The following DMKN variants were observed in gnomAD, a reference collection of about 807,000 sequenced individuals.
The protein encoded by DMKN is epidermis-specific secreted protein SK30/SK89.
Under a neutral mutation model 67.6 loss-of-function variants are expected in DMKN, and 58 were observed. The ratio of observed to expected loss-of-function variants is 0.86; its 90% CI spans 0.69 to 1.07. DMKN has a LOEUF of 1.07. Among genes scored for constraint, DMKN ranks in the 50% least tolerant of loss-of-function variants. The probability of loss-of-function intolerance (pLI) is 0.00; values close to 1 mark genes in which losing one functional copy is unlikely to be tolerated. For missense variants in DMKN, 596 were observed against 601.5 expected (o/e 0.99, Z 0.10); for synonymous variants, 240 against 232.3 (o/e 1.03, Z -0.30).
Position 35,511,464 on chromosome 19 carries a change from TGCC to T in DMKN, c.862_864del (p.Gly288del). ...CTGCTGCCACCACTGTTGCCACTGC[TGCC>T]ACCACTGCTGCCGCCACTGCTGCCG... On this transcript the variant is annotated inframe_deletion, in exon 5 of 16. Transcript: ENST00000339686. 1.8e-6 allele frequency: 2 copies of T among 1,120,138 alleles called. No homozygotes were observed. The allele number at this position is 1,120,138 out of a possible 1,614,324, so 69.4% of individuals were successfully genotyped here. A position where few individuals can be genotyped will look rare whatever the true frequency, so the allele number is the denominator to read the frequency against.
At position 35,502,861 on chromosome 19, in the gene DMKN, C is replaced by A. The variant is rs761959444; in HGVS notation, c.1160G>T (p.Arg387Leu). 6.2e-6 allele frequency: 10 copies of A among 1,613,854 alleles called. No homozygotes were observed. In the South Asian group the frequency reaches 6.6e-5, roughly 11 times the overall value. ...NKNQVPPPST[R>L]ALLYFSRLWE... is the part of the protein sequence containing the mutation. ...GAGTCGGCTGAAGTAGAGGAGGGCTCGGGTGCTGGGGGGCGGGACCTGGTT... is the reference window on the plus strand; with the variant it reads ...GAGTCGGCTGAAGTAGAGGAGGGCTAGGGTGCTGGGGGGCGGGACCTGGTT... Residue 387 changes from arginine to leucine, a missense_variant, in exon 10 of 16, where the codon CGA (arginine) becomes CTA (leucine). Transcript: ENST00000339686.
rs191091957 is a variant in DMKN at position 35,501,948 on chromosome 19, G to C, written c.1239+188C>G. ...CCCTCGGCCTCGGCTTTTATGCTAGGGAGGTCCTCCCACCCTGCTCCTCAG... is the reference window on the plus strand; with the variant it reads ...CCCTCGGCCTCGGCTTTTATGCTAGCGAGGTCCTCCCACCCTGCTCCTCAG... On this transcript the variant is annotated intron_variant, in intron 11 of 15. Transcript: ENST00000339686. 10 of 1,555,586 alleles carry C rather than the reference G, an allele frequency of 6.4e-6. No homozygotes were observed. In the African/African-American group the frequency reaches 1.1e-4, roughly 17 times the overall value.
Position 35,497,427 on chromosome 19 carries a change from GA to G in DMKN, c.*111del, listed in dbSNP as rs1244529523. The G allele has an allele frequency of 6.6e-6, 1 of 152,208 alleles. No homozygotes were observed. Among genetic ancestry groups the G allele is most frequent in the Non-Finnish European group, 1.5e-5 (1 of 68,054 alleles). The allele number at this position is 152,208 out of a possible 1,614,324, so 9.4% of individuals were successfully genotyped here. A position where few individuals can be genotyped will look rare whatever the true frequency, so the allele number is the denominator to read the frequency against. On this transcript the variant is annotated 3_prime_UTR_variant, in exon 16 of 16. Transcript: ENST00000339686. ...GAGACAAGCTGGGTCCCCAGCCTAG[GA>G]AACAGAGGTGTGGCAGCCGGGCCAG...
intron 3 of DMKN, 120 bp from the exon 4 acceptor site, chr19:35,511,933 G>T: frequency 8.9e-7 from 1 of 1,121,532 alleles, no homozygotes; most frequent in South Asian, 1.8e-5. Context: ...CTCCTAATGT[G>T]TTTCTCCCAC....
At chr19:35,511,633 G>C (rs1198533565) in intron 4 of DMKN, 40 bp from the exon 5 acceptor site, 12 of 1,603,458 alleles carry the variant, frequency 7.5e-6, no homozygotes, top group Non-Finnish European at 8.5e-6. Context: ...ATTAAAGACA[G>C]AGCACCAAGA....
rs1355780959 is a variant in DMKN, at chr19:35,497,516, C to G, written c.*23G>C. 1 of 152,126 alleles carries G rather than the reference C, an allele frequency of 6.6e-6. No individual in the cohort carries two copies. The highest frequency in any genetic ancestry group is 2.4e-5 in the African/African-American group (1 of 41,418). 9.4% of individuals were successfully genotyped at this position (152,126 alleles called of 1,614,324 possible). ...TGACGACCAGTGCTTTTCGGGGCCT[C>G]GGTGGTGGTTGCAAGAAATTGCCTA... On this transcript the variant is annotated 3_prime_UTR_variant, in exon 16 of 16. Transcript: ENST00000339686.
At chr19:35,505,545 CT>C (rs1276651854) in intron 9 of DMKN, among the ~76,000 whole-genome samples, 172 bp downstream of exon 9, 11 of 152,196 alleles carry the variant, frequency 7.2e-5, no homozygotes, top group African/African-American at 2.7e-4. Flanking sequence ...TTCTCCCCCT[CT>C]TTTCAGGTCT....
At chr19:35,501,770 C>G in intron 11 of DMKN, 34 of 1,500,112 alleles carry the variant, frequency 2.3e-5, no homozygotes, top group Non-Finnish European at 3.0e-5. Context: ...AGCCTAGGCC[C>G]CTTCTTCCCC....
At chr19:35,499,749 G>A in intron 13 of DMKN, 1 of 560,142 alleles carries the variant, frequency 1.8e-6, no homozygotes, top group Non-Finnish European at 3.2e-6. Flanking sequence ...CTGGGTGGGT[G>A]TGAGGCGCAT....
At chr19:35,500,133 A>T (rs1388026593) in intron 12 of DMKN, 104 bp from the exon 13 acceptor site, 5 of 1,360,278 alleles carry the variant, frequency 3.7e-6, no homozygotes, top group African/African-American at 1.4e-5. Flanking sequence ...TTCCTAAAAC[A>T]CCTGCCTGCT....
intron 8 of DMKN, 41 bp downstream of exon 8, chr19:35,505,898 T>C (rs1255708620): frequency 6.2e-7 from 1 of 1,614,024 alleles, no homozygotes; most frequent in Non-Finnish European, 8.5e-7. Flanking sequence ...AGGGGTTGGT[T>C]TTCCAAATGC....
At chr19:35,508,276 G>A in intron 7 of DMKN, 1 of 1,551,216 alleles carries the variant, frequency 6.4e-7, no homozygotes, top group Non-Finnish European at 8.7e-7. Context: ...GACCCCTGCT[G>A]AAGATCCTGA....
In DMKN at chr19:35,506,045, G is replaced by A. The variant is rs371792204; in HGVS notation, c.1039-59C>T. 1.2e-3 allele frequency: 1,984 copies of A among 1,613,406 alleles called. 11 individuals carry two copies. The Middle Eastern group carries it at 0.014, about 11-fold the overall frequency. On this transcript the variant is annotated intron_variant, in intron 7 of 15. Transcript: ENST00000339686. The stretch of plus-strand genomic sequence containing the variant: ...AACCCACTTTGTGAGCCAGAGTCGG[G>A]AGATCTGAGTGGCAGGAGGGGAGGC...
chr19:35,506,216 AGG>A, intron 7 of DMKN: 1 of 1,475,438 alleles, frequency 6.8e-7, no homozygotes, highest in Non-Finnish European at 8.9e-7. Flanking sequence ...CCGATGTCCA[AGG>A]CTTATGCTTC....
Position 35,513,217 on chromosome 19 carries a change from G to C in DMKN, c.259C>G (p.Pro87Ala), listed in dbSNP as rs778619470. Residue 87 changes from proline to alanine, a missense_variant, in exon 1 of 16, where the codon CCA becomes GCA. By Grantham distance (27) the Pro-to-Ala change is conservative. Transcript: ENST00000339686. ...AAAGCATCTGCTACGCCAAAGCCTG[G>C]AACCTGCCTGACTCCAGTGCCAACT... ...EAVGTGVRQV[P>A]GFGVADALGN... 1.1e-5 allele frequency: 18 copies of C among 1,614,220 alleles called. No individual in the cohort carries two copies. Among genetic ancestry groups the C allele is most frequent in the Non-Finnish European group, 1.4e-5 (17 of 1,180,038 alleles).
At chr19:35,499,794 A>T in intron 13 of DMKN, 164 bp downstream of exon 13, 1 of 663,500 alleles carries the variant, frequency 1.5e-6, no homozygotes, top group Non-Finnish European at 2.6e-6. Flanking sequence ...AAACTGTCTC[A>T]GGGAACCCGA....
Position 35,497,468 on chromosome 19 carries a change from G to C in DMKN, c.*71C>G, listed in dbSNP as rs1464327697. On this transcript the variant is annotated 3_prime_UTR_variant, in exon 16 of 16. Coordinates refer to ENST00000339686, the MANE Select transcript of DMKN (RefSeq NM_033317.5). The stretch of plus-strand genomic sequence containing the variant: ...AGCCGGGCCAGGGCTGGCACAGGCT[G>C]GGGGCCAAGGGGAGGAGCTCCCTGA... 6.6e-5 allele frequency: 10 copies of C among 152,312 alleles called. No individual in the cohort carries two copies. Among genetic ancestry groups the C allele is most frequent in the African/African-American group, 2.4e-4 (10 of 41,560 alleles). 9.4% of individuals were successfully genotyped at this position (152,312 alleles called of 1,614,324 possible). A position where few individuals can be genotyped will look rare whatever the true frequency, so the allele number is the denominator to read the frequency against.
chr19:35,505,834 G>C (rs1281917375), intron 8 of DMKN, 69 bp from the exon 9 acceptor site: 2 of 1,613,198 alleles, frequency 1.2e-6, no homozygotes, highest in Non-Finnish European at 1.7e-6. Flanking sequence ...GAGGTCAAGG[G>C]CCACTGCTGA....
chr19:35,502,715 A>AAGGG, intron 10 of DMKN, 115 bp downstream of exon 10: 2 of 985,292 alleles, frequency 2.0e-6, no homozygotes, highest in Non-Finnish European at 1.6e-6. Flanking sequence ...AAAAAAAAAA[A>AAGGG]GGGGGGGAGT....
Sources: gnomAD v4.1 joint callset for allele counts (sites outside exome capture counted in the v4.1 genomes callset) on GRCh38, gnomAD v4.1.1 for gene constraint, MANE v1.5 for transcripts, NCBI Gene and HGNC (gene_info 2026-07-23, HGNC 2026-07-21) for gene names.